The following CD177 variants were observed in gnomAD, a reference collection of about 807,000 sequenced individuals.
CD177 encodes CD177 antigen.
In CD177, 41 loss-of-function variants were observed where a neutral mutation model predicts 38.1. That is an observed-to-expected ratio of 1.07 (90% confidence interval 0.84 to 1.39). The LOEUF (loss-of-function observed/expected upper bound fraction) is 1.39, where lower values mean the gene tolerates loss of function less well. CD177 is among the 40% of genes most tolerant of loss of function. CD177 has a pLI of 0.00. For missense variants in CD177, 619 were observed against 523.8 expected (o/e 1.18, Z -1.77); for synonymous variants, 236 against 216.7 (o/e 1.09, Z -0.78).
In CD177 at chr19:43,362,216, C is replaced by A; in HGVS notation, c.1210C>A (p.Gln404Lys). Residue 404 changes from glutamine (Q) to lysine (K), a missense_variant, in exon 9 of 9, where the codon CAG becomes AAG. Transcript: ENST00000618265. ...GCGTGATGTGCAGCCTCCTGCCTCTCAGCATGAGGGAGGTGGGGCTGAGGG... is the reference window on the plus strand; with the variant it reads ...GCGTGATGTGCAGCCTCCTGCCTCTAAGCATGAGGGAGGTGGGGCTGAGGG... ...EKRDVQPPAS[Q>K]HEGGGAEGLE... 6.2e-7 allele frequency: 1 copy of A among 1,606,036 alleles called. No homozygotes were observed. Among genetic ancestry groups the A allele is most frequent in the Non-Finnish European group, 8.5e-7 (1 of 1,175,084 alleles).
intron 2 of CD177, 102 bp downstream of exon 2, chr19:43,354,095 G>A: frequency 6.4e-7 from 1 of 1,564,892 alleles, no homozygotes; most frequent in South Asian, 1.2e-5. Flanking sequence ...CGACTCCTAG[G>A]GTCCCGGTGA....
In CD177 at chr19:43,362,570, T is replaced by C. The variant is rs1969988183; in HGVS notation, c.*250T>C. The C allele has an allele frequency of 2.8e-6, 1 of 356,066 alleles. No individual in the cohort carries two copies. The highest frequency in any genetic ancestry group is 5.0e-6 in the Non-Finnish European group (1 of 198,206). The allele number at this position is 356,066 out of a possible 1,614,324, so 22.1% of individuals were successfully genotyped here. ...CATGTATCTGATAATACAGACCCTG[T>C]CCTTTCTCCCAGTGCTGGGATTTCT... On this transcript the variant is annotated 3_prime_UTR_variant, in exon 9 of 9. Transcript: ENST00000618265.
chr19:43,362,259 G>C lies in CD177; in HGVS notation c.1253G>C (p.Trp418Ser), dbSNP rs772586043. The C allele has an allele frequency of 8.7e-6, 14 of 1,606,264 alleles. No homozygotes were observed. Among genetic ancestry groups the C allele is most frequent in the Admixed American group, 1.7e-5 (1 of 59,950 alleles). Residue 418 changes from tryptophan (W) to serine (S), a missense_variant, in exon 9 of 9, where the codon TGG (tryptophan) becomes TCG (serine). Trp to Ser is a radical substitution (Grantham distance 177). Transcript: ENST00000618265. ...GCTGAGGGCCTGGAGTCTCTCACTT[G>C]GGGGGTGGGGCTGGCACTGGCCCCA... ...GGAEGLESLTWGVGLALAPAL... is the reference protein window; with the variant it reads ...GGAEGLESLTSGVGLALAPAL...
At chr19:43,360,016 T>A (rs1410614499) in intron 5 of CD177, among the ~76,000 whole-genome samples, 6 of 151,768 alleles carry the variant, frequency 4.0e-5, no homozygotes, top group African/African-American at 1.5e-4. Flanking sequence ...CTCTCACAGC[T>A]AAAGCAAGGA....
chr19:43,361,938 TG>T (rs1969974856), intron 8 of CD177, 149 bp from the exon 9 acceptor site: 5 of 641,852 alleles, frequency 7.8e-6, no homozygotes, highest in African/African-American at 1.9e-5. Flanking sequence ...GAGGAGGGGC[TG>T]GGGGCCTGGA....
chr19:43,364,497 C>T (rs35700055), downstream of CD177, among the ~76,000 whole-genome samples: 1,416 of 151,450 alleles, frequency 9.3e-3, 13 homozygotes, highest in Admixed American at 0.019. Context: ...TGCCTGCCTT[C>T]GAAAATAGCC....
rs1333527211 is a variant in CD177, at chr19:43,353,929, C to A, written c.129C>A (p.Thr43=). The A allele has an allele frequency of 6.2e-7, 1 of 1,613,900 alleles. No individual in the cohort carries two copies. Among genetic ancestry groups the A allele is most frequent in the Non-Finnish European group, 8.5e-7 (1 of 1,179,858 alleles). The part of the protein sequence containing the change: ...WKVSDLPRQW[T]PKNTSCDSGL... ...TGTCCGACCTGCCCCGGCAATGGAC[C>A]CCTAAGAACACCAGCTGCGACAGCG... Residue 43 remains threonine, a synonymous_variant, in exon 2 of 9, where the codon ACC becomes ACA. Coordinates refer to ENST00000618265, the MANE Select transcript of CD177 (RefSeq NM_020406.4).
At position 43,360,291 on chromosome 19, in the gene CD177, A is replaced by G; in HGVS notation, c.646A>G (p.Thr216Ala). The G allele has an allele frequency of 6.2e-7, 1 of 1,613,304 alleles. No individual in the cohort carries two copies. Among genetic ancestry groups the G allele is most frequent in the East Asian group, 2.2e-5 (1 of 44,858 alleles). Residue 216 changes from threonine to alanine, a missense_variant, in exon 6 of 9, where the codon ACC becomes GCC. Thr to Ala is a moderately conservative substitution (Grantham distance 58). Transcript: ENST00000618265. ...TTTTCTGACCTGTCATCGGGGGACC[A>G]CCATTATGACACACGGAAACTTGGC... ...KDFLTCHRGT[T>A]IMTHGNLAQE...
chr19:43,354,203 C>G lies in CD177; in HGVS notation c.194-4C>G, dbSNP rs774686047. 1.2e-6 allele frequency: 2 copies of G among 1,611,512 alleles called. No homozygotes were observed. Among genetic ancestry groups the G allele is most frequent in the South Asian group, 2.2e-5 (2 of 90,704 alleles). Reference sequence around the variant, plus strand: ...TCCTCGCTTGCCTCCCTCTTTCGGTCCAGGACCCCAAGTGAGCCTGGTGCT... The same window carrying G: ...TCCTCGCTTGCCTCCCTCTTTCGGTGCAGGACCCCAAGTGAGCCTGGTGCT... On this transcript the variant is annotated splice_polypyrimidine_tract_variant and splice_region_variant and intron_variant, in intron 2 of 8. Transcript: ENST00000618265.
chr19:43,354,107 C>A, intron 2 of CD177, 100 bp from the exon 3 acceptor site: 2 of 1,561,266 alleles, frequency 1.3e-6, no homozygotes, highest in East Asian at 2.3e-5. Context: ...TCCCGGTGAT[C>A]CCCTTTCCAG....
chr19:43,354,445 C>A lies in CD177; in HGVS notation c.379+53C>A, dbSNP rs771067969. 2.5e-6 allele frequency: 4 copies of A among 1,587,170 alleles called. No homozygotes were observed. In the East Asian group the frequency reaches 6.7e-5, roughly 27 times the overall value. ...GGAGGGGCTGCTAGAAGGGGATCCGCTGAGCACAGAGGGGCTGTTACGGAG... is the reference window on the plus strand; with the variant it reads ...GGAGGGGCTGCTAGAAGGGGATCCGATGAGCACAGAGGGGCTGTTACGGAG... On this transcript the variant is annotated intron_variant, in intron 3 of 8. Transcript: ENST00000618265.
chr19:43,362,132 C>G lies in CD177; in HGVS notation c.1126C>G (p.Pro376Ala). The change falls in exon 9 of 9, where the codon CCT becomes GCT. Residue 376 changes from proline to alanine, a missense_variant. Transcript: ENST00000618265. ...KMSIQGCVAQPSSFLLNHTRQ... is the reference protein window; with the variant it reads ...KMSIQGCVAQASSFLLNHTRQ... Reference sequence around the variant, plus strand: ...GAGCATTCAGGGCTGCGTGGCCCAACCTTCCAGCTTCTTGTTGAACCACAC... The same window carrying G: ...GAGCATTCAGGGCTGCGTGGCCCAAGCTTCCAGCTTCTTGTTGAACCACAC... 6.2e-7 allele frequency: 1 copy of G among 1,613,804 alleles called. No homozygotes were observed. The highest frequency in any genetic ancestry group is 8.5e-7 in the Non-Finnish European group (1 of 1,179,768).
Position 43,355,262 on chromosome 19 carries a change from T to C in CD177, c.380-399T>C, listed in dbSNP as rs578250430. ...CCACGTAGCAGGGACTAGAGGAGCC[T>C]GCCACCACGCCCGGCTAATTTTTGT... On this transcript the variant is annotated intron_variant, in intron 3 of 8. Coordinates refer to ENST00000618265, the MANE Select transcript of CD177 (RefSeq NM_020406.4). Among the ~76,000 whole-genome samples, 76 of 151,326 alleles carry C rather than the reference T, an allele frequency of 5.0e-4. 1 individual carries two copies. Among genetic ancestry groups the C allele is most frequent in the African/African-American group, 1.5e-3 (62 of 41,260 alleles).
downstream of CD177, among the ~76,000 whole-genome samples, chr19:43,363,669 T>C (rs576946864): frequency 1.9e-4 from 29 of 151,346 alleles, no homozygotes; most frequent in Non-Finnish European, 3.4e-4. Context: ...CCATTCACAC[T>C]ACAGAACAGA....
At chr19:43,354,542 G>T (rs1969895759) in intron 3 of CD177, 150 bp downstream of exon 3, 2 of 751,736 alleles carry the variant, frequency 2.7e-6, no homozygotes, top group Non-Finnish European at 4.4e-6. Flanking sequence ...CCTGACCATC[G>T]CCCCGCCCCG....
chr19:43,355,067 C>A (rs1599876088), intron 3 of CD177, among the ~76,000 whole-genome samples: 1 of 132,570 alleles, frequency 7.5e-6, no homozygotes, highest in Admixed American at 7.8e-5. Flanking sequence ...CACCCCCCAC[C>A]CCCACTTGCC....
At position 43,362,157 on chromosome 19, in the gene CD177, C is replaced by A. The variant is rs780606678; in HGVS notation, c.1151C>A (p.Thr384Asn). 1.9e-6 allele frequency: 3 copies of A among 1,613,634 alleles called. No homozygotes were observed. The highest frequency in any genetic ancestry group is 8.5e-7 in the Non-Finnish European group (1 of 1,179,780). ...CCTTCCAGCTTCTTGTTGAACCACA[C>A]CAGACAAATCGGGATCTTCTCTGCG... ...AQPSSFLLNH[T>N]RQIGIFSARE... The change falls in exon 9 of 9, where the codon ACC becomes AAC. Residue 384 changes from threonine (T) to asparagine (N), a missense_variant. Coordinates refer to ENST00000618265, the MANE Select transcript of CD177 (RefSeq NM_020406.4).
In CD177 at chr19:43,355,597, G is replaced by A. The variant is rs747199121; in HGVS notation, c.380-64G>A. ...GAGGCCAGCAAAAGTGGGGTGCAGA[G>A]AAGGTATCTGATCAAATCCAGTGCC... On this transcript the variant is annotated intron_variant, in intron 3 of 8. Coordinates refer to ENST00000618265, the MANE Select transcript of CD177 (RefSeq NM_020406.4). 6.2e-6 allele frequency: 10 copies of A among 1,603,530 alleles called. No individual in the cohort carries two copies. In the South Asian group the frequency reaches 1.0e-4, roughly 16 times the overall value.
At chr19:43,355,140 G>A (rs1258360099) in intron 3 of CD177, among the ~76,000 whole-genome samples, 2 of 118,408 alleles carry the variant, frequency 1.7e-5, no homozygotes, top group South Asian at 3.0e-4. Context: ...CTGAGAAAGC[G>A]TCTCGCTGTG....
Sources: gnomAD v4.1 joint callset for allele counts (sites outside exome capture counted in the v4.1 genomes callset) on GRCh38, gnomAD v4.1.1 for gene constraint, MANE v1.5 for transcripts, NCBI Gene and HGNC (gene_info 2026-07-23, HGNC 2026-07-21) for gene names.